CSMD2: variants seen among roughly 807,000 people sequenced by gnomAD.
The protein encoded by CSMD2 is CUB and Sushi multiple domains 2, also known as CUB and sushi domain-containing protein 2.
In CSMD2, 130 loss-of-function variants were observed where a neutral mutation model predicts 398.5. The ratio of observed to expected loss-of-function variants is 0.33; its 90% CI spans 0.28 to 0.38. The LOEUF is 0.38. CSMD2 is among the 10% of genes least tolerant of loss of function. The probability of loss-of-function intolerance (pLI) is 1.00; values close to 1 mark genes in which losing one functional copy is unlikely to be tolerated. For missense variants in CSMD2, 3,829 were observed against 4,764.9 expected (o/e 0.80, Z 5.78); for synonymous variants, 1,828 against 1,908.5 (o/e 0.96, Z 1.10).
chr1:33,667,890 A>C (rs1034379309), intron 25 of CSMD2, among the ~76,000 whole-genome samples: 1 of 152,206 alleles, frequency 6.6e-6, no homozygotes, highest in Non-Finnish European at 1.5e-5. Context: ...ATAACAGTGA[A>C]GATGACAGAC....
chr1:33,728,781 TATC>T (rs1646627103), intron 15 of CSMD2, among the ~76,000 whole-genome samples: 1 of 152,260 alleles, frequency 6.6e-6, no homozygotes. Context: ...CACGTACTAT[TATC>T]ATCCTCGTTT....
chr1:33,968,693 C>T (rs577405324), intron 3 of CSMD2, among the ~76,000 whole-genome samples: 1 of 152,222 alleles, frequency 6.6e-6, no homozygotes, highest in Non-Finnish European at 1.5e-5. Context: ...AAAATGCAGC[C>T]CCACCATCAC....
At chr1:33,953,233 AAGG>A (rs1334302437) in intron 3 of CSMD2, among the ~76,000 whole-genome samples, 2 of 152,188 alleles carry the variant, frequency 1.3e-5, no homozygotes, top group Admixed American at 6.5e-5. Context: ...TCCAAGGTGG[AAGG>A]AGGCTTTATC....
intron 1 of CSMD2, among the ~76,000 whole-genome samples, chr1:34,092,879 GA>G (rs1217166763): frequency 1.3e-5 from 2 of 152,112 alleles, no homozygotes; most frequent in African/African-American, 4.8e-5. Flanking sequence ...AAAGCAGCCG[GA>G]AAGCTCGAAC....
chr1:33,592,346 C>T, intron 44 of CSMD2: 1 of 714,692 alleles, frequency 1.4e-6, no homozygotes, highest in Admixed American at 2.0e-5. Flanking sequence ...TCTCTTGGGT[C>T]CTATTTCAAC....
chr1:34,101,169 T>A (rs1558388005), intron 1 of CSMD2, among the ~76,000 whole-genome samples: 1 of 152,246 alleles, frequency 6.6e-6, no homozygotes, highest in Non-Finnish European at 1.5e-5. Context: ...GTGACTGATG[T>A]TCTGCCCTGT....
At chr1:33,627,274 T>C (rs72662040) in intron 32 of CSMD2, among the ~76,000 whole-genome samples, 13,286 of 152,142 alleles carry the variant, frequency 0.087, 637 homozygotes, top group South Asian at 0.15. Context: ...GACTGACAGC[T>C]TTTGTAGCAG....
At chr1:33,983,186 T>C (rs372677080) in intron 3 of CSMD2, among the ~76,000 whole-genome samples, 26 of 152,224 alleles carry the variant, frequency 1.7e-4, no homozygotes, top group African/African-American at 5.3e-4. Flanking sequence ...GGGAGCTGCT[T>C]AGAAGGCAGT....
intron 54 of CSMD2, among the ~76,000 whole-genome samples, chr1:33,558,617 T>C (rs1180544593): frequency 1.3e-5 from 2 of 152,206 alleles, no homozygotes; most frequent in African/African-American, 4.8e-5. Context: ...GATAAGCCTT[T>C]AAGGATTTTT....
rs2148627162 is a variant in CSMD2, at chr1:33,550,192, G to A, written c.8902C>T (p.Leu2968Phe). The A allele has an allele frequency of 6.2e-7, 1 of 1,613,928 alleles. No homozygotes were observed. The highest frequency in any genetic ancestry group is 8.5e-7 in the Non-Finnish European group (1 of 1,179,952). The change falls in exon 56 of 71, where the codon CTC becomes TTC. Residue 2968 changes from leucine (L) to phenylalanine (F), a missense_variant. Physicochemically the swap from Leu to Phe is conservative, Grantham distance 22 (BLOSUM62 0). Coordinates refer to ENST00000373381, the MANE Select transcript of CSMD2 (RefSeq NM_001281956.2). ...TGCACCATACCTGAGCAGTGAGGGA[G>A]GGAGCCAGTCCAGTGTCCATCCAGC... ...CGLDGHWTGSLPHCSGTSVGV... is the reference protein window; with the variant it reads ...CGLDGHWTGSFPHCSGTSVGV...
chr1:33,864,648 T>C (rs141714388), intron 5 of CSMD2: 3 of 1,613,768 alleles, frequency 1.9e-6, no homozygotes, highest in Admixed American at 1.7e-5. Context: ...GAGAGCTAAG[T>C]ACTTCGAGGA....
Position 33,996,657 on chromosome 1 carries a change from C to G in CSMD2, c.517+35937G>C, listed in dbSNP as rs574031528. Among the ~76,000 whole-genome samples, 4 of 152,232 alleles carry G rather than the reference C, an allele frequency of 2.6e-5. No homozygotes were observed. The East Asian group carries it at 7.8e-4, about 30-fold the overall frequency. ...CACCACCATCTCTGGACTTGTGTGC[C>G]TCTCCTGGAAGATCAAATTAGATAA... On this transcript the variant is annotated intron_variant, in intron 3 of 70. Transcript: ENST00000373381.
chr1:33,562,797 G>A (rs1658694805), intron 53 of CSMD2, among the ~76,000 whole-genome samples: 1 of 152,164 alleles, frequency 6.6e-6, no homozygotes, highest in East Asian at 1.9e-4. Context: ...GAGAGAAAAG[G>A]CAGCCTGCTA....
rs917762389 is a variant in CSMD2, at chr1:33,625,033, C to A, written c.5500+18G>T. 2 of 1,613,252 alleles carry A rather than the reference C, an allele frequency of 1.2e-6. No homozygotes were observed. The highest frequency in any genetic ancestry group is 2.2e-5 in the South Asian group (2 of 91,056). Reference sequence around the variant, plus strand: ...TGCCGCCCCCCGCACCCTCAACGCCCGGGTCCTGGTTACTCACCCACACAC... The same window carrying A: ...TGCCGCCCCCCGCACCCTCAACGCCAGGGTCCTGGTTACTCACCCACACAC... On this transcript the variant is annotated intron_variant, in intron 34 of 70. Coordinates refer to ENST00000373381, the MANE Select transcript of CSMD2 (RefSeq NM_001281956.2).
chr1:33,952,738 G>A (rs948776213), intron 3 of CSMD2, among the ~76,000 whole-genome samples: 1 of 152,072 alleles, frequency 6.6e-6, no homozygotes, highest in Non-Finnish European at 1.5e-5. Context: ...CATGCAAACA[G>A]AGACCTTGTC....
chr1:33,879,662 C>A (rs1353338985), intron 5 of CSMD2, among the ~76,000 whole-genome samples: 1 of 152,170 alleles, frequency 6.6e-6, no homozygotes, highest in Non-Finnish European at 1.5e-5. Flanking sequence ...CCTGCTCTAA[C>A]CACCACCACT....
intron 62 of CSMD2, among the ~76,000 whole-genome samples, chr1:33,536,368 C>G (rs139590300): frequency 0.012 from 1,844 of 152,270 alleles, 48 homozygotes; most frequent in African/African-American, 0.042. Context: ...GGACTACAGG[C>G]GCCCGCCACC....
chr1:33,934,182 C>G (rs1441659269), intron 4 of CSMD2, among the ~76,000 whole-genome samples: 1 of 152,142 alleles, frequency 6.6e-6, no homozygotes, highest in Non-Finnish European at 1.5e-5. Flanking sequence ...AAAATTTGAA[C>G]TAAAGGAGGA....
chr1:34,012,073 TCA>T (rs1175436715), intron 3 of CSMD2, among the ~76,000 whole-genome samples: 1 of 152,194 alleles, frequency 6.6e-6, no homozygotes, highest in Non-Finnish European at 1.5e-5. Flanking sequence ...GCTGAATGGT[TCA>T]CAGTTTTCTT....
Sources: gnomAD v4.1 joint callset for allele counts (sites outside exome capture counted in the v4.1 genomes callset) on GRCh38, gnomAD v4.1.1 for gene constraint, MANE v1.5 for transcripts, NCBI Gene and HGNC (gene_info 2026-07-23, HGNC 2026-07-21) for gene names.